The following WWOX variants were observed in gnomAD, a reference collection of about 807,000 sequenced individuals.
WWOX encodes WW domain-containing oxidoreductase.
In WWOX, 69 loss-of-function variants were observed where a neutral mutation model predicts 46.2. The ratio of observed to expected loss-of-function variants is 1.49; its 90% CI spans 1.23 to 1.82. The LOEUF is 1.82. WWOX is among the 40% of genes most tolerant of loss of function. WWOX has a pLI of 0.00. For synonymous variants in WWOX, 359 were observed against 202.6 expected, an observed-to-expected ratio of 1.77 and a Z score of -6.56; for missense variants, 919 against 542.6, an observed-to-expected ratio of 1.69 and a Z score of -6.89.
intron 8 of WWOX, among the ~76,000 whole-genome samples, chr16:78,754,469 G>C (rs180821870): frequency 6.6e-6 from 1 of 152,144 alleles, no homozygotes; most frequent in Admixed American, 6.5e-5. Flanking sequence ...TGTTCTCTTA[G>C]TACCTACCGC....
chr16:79,040,841 T>A (rs1215776202), intron 8 of WWOX, among the ~76,000 whole-genome samples: 5 of 152,154 alleles, frequency 3.3e-5, no homozygotes, highest in Admixed American at 2.6e-4. Context: ...ACTGGGATTT[T>A]TTTCCGATCA....
chr16:78,849,113 G>T (rs1459168683), intron 8 of WWOX, among the ~76,000 whole-genome samples: 2 of 152,168 alleles, frequency 1.3e-5, no homozygotes, highest in Non-Finnish European at 2.9e-5. Context: ...ACGGAGGACA[G>T]TCTATACAGT....
At chr16:78,384,718 T>C (rs966816895) in intron 5 of WWOX, among the ~76,000 whole-genome samples, 3 of 152,204 alleles carry the variant, frequency 2.0e-5, no homozygotes, top group African/African-American at 7.2e-5. Flanking sequence ...CTGCACACTT[T>C]GGCATCTGCC....
chr16:79,064,556 C>T (rs772690584), intron 8 of WWOX, among the ~76,000 whole-genome samples: 1 of 152,140 alleles, frequency 6.6e-6, no homozygotes, highest in Non-Finnish European at 1.5e-5. Flanking sequence ...GCTGTTTCTG[C>T]GGATTCTCAT....
At chr16:78,205,470 C>G (rs953493233) in intron 5 of WWOX, among the ~76,000 whole-genome samples, 3 of 151,946 alleles carry the variant, frequency 2.0e-5, no homozygotes, top group African/African-American at 7.3e-5. Flanking sequence ...TGCCCACCTA[C>G]CCATCCACCC....
At chr16:78,948,520 C>G (rs999743937) in intron 8 of WWOX, among the ~76,000 whole-genome samples, 1 of 152,150 alleles carries the variant, frequency 6.6e-6, no homozygotes, top group Non-Finnish European at 1.5e-5. Flanking sequence ...GACCCCAAGA[C>G]AGCTCTGCTG....
chr16:78,953,681 T>C (rs2046108469), intron 8 of WWOX, among the ~76,000 whole-genome samples: 3 of 152,096 alleles, frequency 2.0e-5, no homozygotes, highest in East Asian at 3.9e-4. Flanking sequence ...AGCATTTCGG[T>C]AGGCAGTGAC....
At chr16:79,144,013 T>C (rs549625563) in intron 8 of WWOX, among the ~76,000 whole-genome samples, 8 of 152,326 alleles carry the variant, frequency 5.3e-5, no homozygotes, top group African/African-American at 1.9e-4. Context: ...CCAGTGATTT[T>C]CAGCTTACTG....
At chr16:78,641,201 T>C (rs867469478) in intron 8 of WWOX, among the ~76,000 whole-genome samples, 3 of 152,092 alleles carry the variant, frequency 2.0e-5, no homozygotes, top group African/African-American at 7.2e-5. Flanking sequence ...TCACGCTGTG[T>C]TTATTTTTTT....
intron 8 of WWOX, among the ~76,000 whole-genome samples, chr16:78,713,769 C>T (rs749949374): frequency 1.4e-4 from 22 of 152,138 alleles, no homozygotes; most frequent in Non-Finnish European, 2.6e-4. Context: ...AAATCAATTT[C>T]TGTTGTTTAA....
intron 8 of WWOX, among the ~76,000 whole-genome samples, chr16:78,521,632 A>G (rs988621150): frequency 6.6e-6 from 1 of 152,260 alleles, no homozygotes; most frequent in African/African-American, 2.4e-5. Flanking sequence ...GTATTAACCA[A>G]AGAAATGGAA....
intron 6 of WWOX, among the ~76,000 whole-genome samples, chr16:78,412,279 G>C (rs561771620): frequency 6.6e-6 from 1 of 152,298 alleles, no homozygotes; most frequent in South Asian, 2.1e-4. Flanking sequence ...AAGGGTATCA[G>C]GACGGGGAGG....
intron 8 of WWOX, among the ~76,000 whole-genome samples, chr16:78,705,987 G>C (rs866106127): frequency 6.7e-6 from 1 of 150,052 alleles, no homozygotes; most frequent in Non-Finnish European, 1.5e-5. Flanking sequence ...CAGTGACTCA[G>C]ATAGGTGTGT....
chr16:79,184,925 A>G (rs58313572), intron 8 of WWOX, among the ~76,000 whole-genome samples: 4,409 of 152,308 alleles, frequency 0.029, 190 homozygotes, highest in African/African-American at 0.1. Flanking sequence ...CATTGGCTGT[A>G]GGGATTCTCC....
intron 8 of WWOX, among the ~76,000 whole-genome samples, chr16:78,884,061 T>C (rs2044399829): frequency 6.6e-6 from 1 of 152,042 alleles, no homozygotes; most frequent in Non-Finnish European, 1.5e-5. Context: ...GGCAGATTGC[T>C]TGAGCCCGGG....
At chr16:78,553,639 A>G (rs1251494964) in intron 8 of WWOX, among the ~76,000 whole-genome samples, 1 of 152,038 alleles carries the variant, frequency 6.6e-6, no homozygotes, top group Non-Finnish European at 1.5e-5. Flanking sequence ...GCCCTAATAG[A>G]AGGAGGGATG....
At chr16:79,047,516 C>G (rs2048087649) in intron 8 of WWOX, among the ~76,000 whole-genome samples, 1 of 152,086 alleles carries the variant, frequency 6.6e-6, no homozygotes, top group Admixed American at 6.5e-5. Flanking sequence ...ATACCTGCAT[C>G]CTGTCTTGAA....
chr16:78,585,395 C>A (rs1429053526), intron 8 of WWOX, among the ~76,000 whole-genome samples: 1 of 152,166 alleles, frequency 6.6e-6, no homozygotes, highest in African/African-American at 2.4e-5. Context: ...GGGGATCGGC[C>A]ACTTACTTGT....
chr16:78,329,579 T>A (rs988044652), intron 5 of WWOX, among the ~76,000 whole-genome samples: 1 of 152,214 alleles, frequency 6.6e-6, no homozygotes, highest in African/African-American at 2.4e-5. Context: ...CTTTGTGGCA[T>A]CTGGCAATGT....
Sources: allele counts gnomAD v4.1 joint callset (sites outside exome capture counted in the v4.1 genomes callset), GRCh38; gene constraint gnomAD v4.1.1; transcripts MANE v1.5; gene names NCBI Gene and HGNC (gene_info 2026-07-23, HGNC 2026-07-21).